UNC79: variants seen among roughly 807,000 people sequenced by gnomAD.
UNC79 encodes the protein unc-79 subunit of NALCN channel complex, also known as protein unc-79 homolog.
Under a neutral mutation model 283.1 loss-of-function variants are expected in UNC79, and 37 were observed. The observed-to-expected ratio is 0.13, with a 90% CI of 0.10 to 0.17. The LOEUF is 0.17. Among genes scored for constraint, UNC79 ranks in the 10% least tolerant of loss-of-function variants. UNC79 has a pLI of 1.00. For missense variants in UNC79, 2,272 were observed against 3,211.1 expected, an observed-to-expected ratio of 0.71 and a Z score of 7.07; for synonymous variants, 1,107 against 1,200.2, an observed-to-expected ratio of 0.92 and a Z score of 1.61.
intron 16 of UNC79, among the ~76,000 whole-genome samples, chr14:93,574,400 CAGGCACTGAAAT>C (rs2063361405): frequency 6.6e-6 from 1 of 152,194 alleles, no homozygotes; most frequent in African/African-American, 2.4e-5. Flanking sequence ...TCCCATGTGC[CAGGCACTGAAAT>C]AGGCACTGGA....
At chr14:93,469,416 A>G (rs1272570375) in intron 2 of UNC79, among the ~76,000 whole-genome samples, 2 of 152,132 alleles carry the variant, frequency 1.3e-5, no homozygotes, top group Non-Finnish European at 2.9e-5. Flanking sequence ...TTAAAACTAG[A>G]AGTACAGAAC....
At chr14:93,484,292 G>T (rs1444761520) in intron 4 of UNC79, among the ~76,000 whole-genome samples, 4 of 152,210 alleles carry the variant, frequency 2.6e-5, no homozygotes. Flanking sequence ...CAAAAAAGTT[G>T]TTGAATTTAA....
chr14:93,643,789 C>A (rs2069298484), intron 34 of UNC79, 92 bp downstream of exon 37: 1 of 1,530,936 alleles, frequency 6.5e-7, no homozygotes, highest in African/African-American at 1.4e-5. Context: ...GTGAAACATT[C>A]AGCCACCTTG....
chr14:93,373,940 T>A (rs555146013), intron 1 of UNC79, among the ~76,000 whole-genome samples: 6 of 152,296 alleles, frequency 3.9e-5, no homozygotes, highest in Admixed American at 2.6e-4. Flanking sequence ...CAGGTATGCC[T>A]TAGTTGCATC....
intron 1 of UNC79, among the ~76,000 whole-genome samples, chr14:93,416,427 T>A (rs1451483190): frequency 1.6e-4 from 24 of 151,318 alleles, no homozygotes; most frequent in African/African-American, 4.9e-4. Context: ...TGCTGAGGAG[T>A]GCTTTACTTC....
chr14:93,543,767 TTTTC>T (rs2061481451), intron 14 of UNC79, among the ~76,000 whole-genome samples: 1 of 152,168 alleles, frequency 6.6e-6, no homozygotes, highest in South Asian at 2.1e-4. Context: ...TTTCCAAGTG[TTTTC>T]TAAGTGTTAT....
At chr14:93,607,273 A>T (rs907172384) in intron 26 of UNC79, among the ~76,000 whole-genome samples, 3 of 152,244 alleles carry the variant, frequency 2.0e-5, no homozygotes, top group Non-Finnish European at 4.4e-5. Context: ...GTGCTTAATT[A>T]TATCATGTTC....
chr14:93,547,005 C>A (rs75824264), intron 14 of UNC79, among the ~76,000 whole-genome samples: 4,161 of 152,178 alleles, frequency 0.027, 206 homozygotes, highest in African/African-American at 0.096. Context: ...ATCTGAATGA[C>A]AAAAGGCTTA....
chr14:93,333,812 C>T (rs2053511618), intron 1 of UNC79, among the ~76,000 whole-genome samples: 1 of 152,140 alleles, frequency 6.6e-6, no homozygotes, highest in Non-Finnish European at 1.5e-5. Flanking sequence ...ATTTGAACGC[C>T]AAAGCCACCC....
chr14:93,362,913 A>G (rs540126645), intron 1 of UNC79, among the ~76,000 whole-genome samples: 3 of 152,108 alleles, frequency 2.0e-5, no homozygotes, highest in East Asian at 3.9e-4. Flanking sequence ...TATCAATCAT[A>G]TTCTTTCAAA....
chr14:93,347,194 A>C (rs1392203422), intron 1 of UNC79: 3 of 1,486,016 alleles, frequency 2.0e-6, no homozygotes, highest in Non-Finnish European at 1.8e-6. Context: ...CTGCCTCACG[A>C]GCACTGGAGC....
At chr14:93,481,459 T>A (rs2058137310) in intron 4 of UNC79, among the ~76,000 whole-genome samples, 1 of 152,132 alleles carries the variant, frequency 6.6e-6, no homozygotes, top group African/African-American at 2.4e-5. Flanking sequence ...GCAGGCTATG[T>A]TATTGTAAAG....
chr14:93,529,476 T>C, intron 10 of UNC79, 150 bp downstream of exon 10: 1 of 820,796 alleles, frequency 1.2e-6, no homozygotes, highest in Non-Finnish European at 1.9e-6. Context: ...ATAATATCAA[T>C]GCCTTGCTTA....
intron 40 of UNC79, among the ~76,000 whole-genome samples, chr14:93,673,091 T>C (rs1174355572): frequency 6.6e-6 from 1 of 152,228 alleles, no homozygotes; most frequent in Non-Finnish European, 1.5e-5. Flanking sequence ...AACCAAATAC[T>C]GGGGCATCAG....
At chr14:93,598,407 T>TGG (rs1387899791) in intron 24 of UNC79, among the ~76,000 whole-genome samples, 2 of 30,056 alleles carry the variant, frequency 6.7e-5, no homozygotes, top group African/African-American at 1.3e-4. Flanking sequence ...TGTGTGTGTG[T>TGG]GTGGCAGATT....
At chr14:93,376,909 A>G (rs2054571416) in intron 1 of UNC79, among the ~76,000 whole-genome samples, 1 of 148,406 alleles carries the variant, frequency 6.7e-6, no homozygotes, top group Admixed American at 6.7e-5. Flanking sequence ...TATGTTATAT[A>G]TATTATAGCT....
exon 11 of UNC79, chr14:93,532,567 T>A (rs2060878680): frequency 6.2e-7 from 1 of 1,611,700 alleles, no homozygotes; most frequent in African/African-American, 1.3e-5. Context: ...ATCTGCTATA[T>A]GTCAGAAAAA....
At chr14:93,615,112 C>G (rs1239804577) in intron 27 of UNC79, among the ~76,000 whole-genome samples, 1 of 152,162 alleles carries the variant, frequency 6.6e-6, no homozygotes, top group East Asian at 1.9e-4. Flanking sequence ...TCTCTGCTTG[C>G]TTGCTTATTG....
intron 46 of UNC79, among the ~76,000 whole-genome samples, chr14:93,692,355 G>T (rs1429961144): frequency 6.6e-6 from 1 of 152,006 alleles, no homozygotes; most frequent in African/African-American, 2.4e-5. Context: ...TATTAAAAAA[G>T]CAAACAAGTA....
Sources: gnomAD v4.1 joint callset for allele counts (sites outside exome capture counted in the v4.1 genomes callset) on GRCh38, gnomAD v4.1.1 for gene constraint, MANE v1.5 for transcripts, NCBI Gene and HGNC (gene_info 2026-07-23, HGNC 2026-07-21) for gene names.